GPC6: variants seen among roughly 807,000 people sequenced by gnomAD.
GPC6 encodes glypican 6.
Under a neutral mutation model 55.2 loss-of-function variants are expected in GPC6, and 14 were observed. That is an observed-to-expected ratio of 0.25 (90% CI 0.17 to 0.40). The LOEUF is 0.40. GPC6 is among the 10% of genes least tolerant of loss of function. The probability of loss-of-function intolerance (pLI) is 1.00; values close to 1 mark genes in which losing one functional copy is unlikely to be tolerated. For synonymous variants in GPC6, 278 were observed against 259.6 expected (o/e 1.07, Z -0.68); for missense variants, 641 against 708.5 (o/e 0.90, Z 1.08).
At chr13:94,201,059 T>C (rs1889730825) in intron 4 of GPC6, among the ~76,000 whole-genome samples, 1 of 152,202 alleles carries the variant, frequency 6.6e-6, no homozygotes. Context: ...AACTGTAACA[T>C]TATCAAGGCT....
intron 3 of GPC6, among the ~76,000 whole-genome samples, chr13:93,969,813 A>G (rs1175128622): frequency 6.6e-6 from 1 of 151,904 alleles, no homozygotes; most frequent in Non-Finnish European, 1.5e-5. Context: ...TGTGAATGAG[A>G]GCATGTGGTA....
At chr13:94,354,487 G>A (rs1331704209) in intron 6 of GPC6, among the ~76,000 whole-genome samples, 2 of 152,174 alleles carry the variant, frequency 1.3e-5, no homozygotes, top group African/African-American at 2.4e-5. Context: ...GTGATAGGAT[G>A]ATCAAAATAA....
chr13:93,764,999 C>A (rs1437665364), intron 2 of GPC6, among the ~76,000 whole-genome samples: 1 of 151,960 alleles, frequency 6.6e-6, no homozygotes, highest in Non-Finnish European at 1.5e-5. Flanking sequence ...CAGGGTTTCA[C>A]CACGTTAACC....
chr13:93,705,113 A>C (rs924928191), intron 2 of GPC6, among the ~76,000 whole-genome samples: 7 of 152,088 alleles, frequency 4.6e-5, no homozygotes, highest in Admixed American at 1.3e-4. Context: ...TACATAAAAT[A>C]TGAATCAGAT....
intron 4 of GPC6, among the ~76,000 whole-genome samples, chr13:94,213,275 G>A (rs1365615058): frequency 2.0e-5 from 3 of 152,178 alleles, no homozygotes; most frequent in Non-Finnish European, 4.4e-5. Flanking sequence ...GAAAGATACA[G>A]CATGACTAAG....
chr13:94,168,347 G>C (rs1328840960), intron 4 of GPC6, among the ~76,000 whole-genome samples: 2 of 152,182 alleles, frequency 1.3e-5, no homozygotes, highest in Non-Finnish European at 2.9e-5. Flanking sequence ...TAGATTTGTT[G>C]GCTGTTAAAG....
At chr13:94,264,411 T>C (rs1460885977) in intron 4 of GPC6, among the ~76,000 whole-genome samples, 4 of 152,216 alleles carry the variant, frequency 2.6e-5, no homozygotes, top group Non-Finnish European at 5.9e-5. Flanking sequence ...AGTAGGTCGT[T>C]ACCCTTCTTG....
intron 3 of GPC6, among the ~76,000 whole-genome samples, chr13:93,832,306 T>A (rs2138984588): frequency 6.6e-6 from 1 of 150,826 alleles, no homozygotes; most frequent in East Asian, 2.0e-4. Context: ...AAATATGCAT[T>A]CCATATTTTC....
intron 2 of GPC6, among the ~76,000 whole-genome samples, chr13:93,682,300 T>G (rs979885570): frequency 2.6e-5 from 4 of 152,082 alleles, no homozygotes; most frequent in African/African-American, 9.7e-5. Context: ...TATAAGGCAG[T>G]GAGAACAATA....
intron 2 of GPC6, among the ~76,000 whole-genome samples, chr13:93,679,244 T>C (rs1056576844): frequency 2.6e-5 from 4 of 152,086 alleles, no homozygotes; most frequent in African/African-American, 9.7e-5. Context: ...CCTCTAATGG[T>C]AGATAAATAT....
intron 1 of GPC6, among the ~76,000 whole-genome samples, chr13:93,474,811 T>A (rs1035110320): frequency 7.9e-5 from 12 of 152,124 alleles, no homozygotes; most frequent in South Asian, 4.1e-4. Flanking sequence ...GGGTCGAAAC[T>A]TTTTTATTCC....
chr13:93,586,522 C>G (rs1877208290), intron 2 of GPC6, among the ~76,000 whole-genome samples: 1 of 152,108 alleles, frequency 6.6e-6, no homozygotes, highest in South Asian at 2.1e-4. Context: ...GAAAGTACTT[C>G]CTGTTCAAAA....
chr13:93,495,189 A>T (rs1289088187), intron 1 of GPC6, among the ~76,000 whole-genome samples: 1 of 110,686 alleles, frequency 9.0e-6, no homozygotes, highest in African/African-American at 3.3e-5. Flanking sequence ...GTCTTTTCAC[A>T]TAGTCGCATA....
chr13:94,159,524 G>T (rs891167391), intron 4 of GPC6, among the ~76,000 whole-genome samples: 4 of 152,026 alleles, frequency 2.6e-5, no homozygotes, highest in Non-Finnish European at 5.9e-5. Context: ...ACTACCACGA[G>T]AACGGTTTGG....
chr13:93,881,016 G>C (rs111848919), intron 3 of GPC6, among the ~76,000 whole-genome samples: 2 of 151,960 alleles, frequency 1.3e-5, no homozygotes, highest in Non-Finnish European at 2.9e-5. Context: ...TCAATTCTTG[G>C]TATAACAAGC....
intron 2 of GPC6, among the ~76,000 whole-genome samples, chr13:93,696,242 T>G (rs1195968192): frequency 6.6e-6 from 1 of 152,206 alleles, no homozygotes; most frequent in African/African-American, 2.4e-5. Flanking sequence ...ACAGAAAGCA[T>G]CATTTCCAAC....
chr13:93,364,188 T>G (rs1181663349), intron 1 of GPC6, among the ~76,000 whole-genome samples: 2 of 152,186 alleles, frequency 1.3e-5, no homozygotes, highest in Non-Finnish European at 2.9e-5. Flanking sequence ...GCTTTTGGTG[T>G]TTTAGACATG....
chr13:93,542,553 C>T (rs1882358026), intron 1 of GPC6, among the ~76,000 whole-genome samples: 1 of 152,108 alleles, frequency 6.6e-6, no homozygotes, highest in Admixed American at 6.5e-5. Flanking sequence ...TTTTCCAATT[C>T]TGTGAAGAAA....
intron 3 of GPC6, among the ~76,000 whole-genome samples, chr13:93,963,056 C>T (rs549990677): frequency 2.0e-5 from 3 of 152,236 alleles, no homozygotes; most frequent in Middle Eastern, 6.8e-3. Context: ...GTCTCCTAAG[C>T]TGTGTAGCAT....
Sources: allele counts gnomAD v4.1 joint callset (sites outside exome capture counted in the v4.1 genomes callset), GRCh38; gene constraint gnomAD v4.1.1; transcripts MANE v1.5; gene names NCBI Gene and HGNC (gene_info 2026-07-23, HGNC 2026-07-21).